KALRN: variants seen among roughly 807,000 people sequenced by gnomAD.
KALRN encodes kalirin RhoGEF kinase, also known as kalirin.
In KALRN, 70 loss-of-function variants were observed where a neutral mutation model predicts 353.7. The ratio of observed to expected loss-of-function variants is 0.20; its 90% confidence interval spans 0.16 to 0.24. The LOEUF is 0.24. KALRN is among the 10% of genes least tolerant of loss of function. The pLI, the probability that KALRN is intolerant of heterozygous loss-of-function variation, is 1.00. For missense variants in KALRN, 2,791 were observed against 3,756.7 expected, an observed-to-expected ratio of 0.74 and a Z score of 6.72; for synonymous variants, 1,391 against 1,434.8, an observed-to-expected ratio of 0.97 and a Z score of 0.69.
chr3:124,699,958 A>G lies in KALRN; in HGVS notation c.7921A>G (p.Arg2641Gly). 1 of 1,614,158 alleles carries G rather than the reference A, an allele frequency of 6.2e-7. No individual in the cohort carries two copies. Among genetic ancestry groups the G allele is most frequent in the Non-Finnish European group, 8.5e-7 (1 of 1,180,018 alleles). ...TAGTCCCGGGTGTCCTTATCAGTTC[A>G]GAGTCAGTGCCAGTAACCCCTGGGG... The part of the protein sequence containing the change: ...DLSPGCPYQF[R>G]VSASNPWGIS... The change falls in exon 56 of 60, where the codon AGA becomes GGA. Residue 2641 changes from arginine to glycine, a missense_variant. Transcript: ENST00000682506.
chr3:124,415,224 G>C lies in KALRN; in HGVS notation c.2542+1559G>C, dbSNP rs570446233. ...CTGGGGACTTTTTTTTTAAATGACA[G>C]TGCCCAGGCCCCATGCCCTGATATT... On this transcript the variant is annotated intron_variant, in intron 14 of 59. Transcript: ENST00000682506. Among the ~76,000 whole-genome samples, 29 of 152,326 alleles carry C rather than the reference G, an allele frequency of 1.9e-4. No individual in the cohort carries two copies. The South Asian group carries it at 5.4e-3, about 28-fold the overall frequency.
intron 9 of KALRN, among the ~76,000 whole-genome samples, chr3:124,341,554 G>A (rs928147486): frequency 2.6e-5 from 4 of 152,218 alleles, no homozygotes; most frequent in Non-Finnish European, 4.4e-5. Context: ...AGTGGGGAAG[G>A]TGGAGATGCA....
At chr3:124,625,686 A>G (rs902167494) in intron 34 of KALRN, among the ~76,000 whole-genome samples, 1 of 136,622 alleles carries the variant, frequency 7.3e-6, no homozygotes, top group African/African-American at 3.1e-5. Flanking sequence ...GGATTTGTAC[A>G]ATTATATATC....
At chr3:124,660,785 G>T in intron 43 of KALRN, 138 bp from the exon 44 acceptor site, 1 of 606,290 alleles carries the variant, frequency 1.6e-6, no homozygotes, top group South Asian at 2.1e-5. Context: ...TCATTTCTCA[G>T]CTACTCTACA....
chr3:124,267,814 C>G (rs2073740408), intron 4 of KALRN, among the ~76,000 whole-genome samples: 1 of 152,166 alleles, frequency 6.6e-6, no homozygotes, highest in Admixed American at 6.5e-5. Flanking sequence ...AGGGATTGAG[C>G]ATGTACTCCA....
chr3:124,152,441 CA>C, intron 1 of KALRN: 3 of 1,333,944 alleles, frequency 2.2e-6, no homozygotes, highest in Non-Finnish European at 1.1e-6. Context: ...TTGGGTTCTG[CA>C]GGTACATAGA....
chr3:124,601,472 G>A lies in KALRN; in HGVS notation c.5183-30948G>A, dbSNP rs13096410. Among the ~76,000 whole-genome samples the A allele has an allele frequency of 4.9e-3, 751 of 152,234 alleles. 8 individuals are homozygous for A. The highest frequency in any genetic ancestry group is 0.022 in the South Asian group (108 of 4,828). ...CAGGTTTTGAGCCCTGGGAGTGTCC[G>A]TGTTCAAAACAAGTTGCTGATCTGG... On this transcript the variant is annotated intron_variant, in intron 34 of 59. Transcript: ENST00000682506.
intron 1 of KALRN, among the ~76,000 whole-genome samples, chr3:124,144,084 A>C (rs2066976892): frequency 6.6e-6 from 1 of 152,224 alleles, no homozygotes; most frequent in South Asian, 2.1e-4. Flanking sequence ...CCCTATGTTC[A>C]TCTCCTTCCA....
chr3:124,400,951 A>G (rs482488), intron 13 of KALRN, among the ~76,000 whole-genome samples: 143,238 of 152,204 alleles, frequency 0.94, 67,908 homozygotes, highest in South Asian at 1. Flanking sequence ...TTGAAAAGAT[A>G]GCTGTGACCT....
intron 5 of KALRN, among the ~76,000 whole-genome samples, chr3:124,296,839 T>C (rs1378920861): frequency 1.3e-5 from 2 of 152,262 alleles, no homozygotes; most frequent in African/African-American, 4.8e-5. Context: ...GGCTGATTCC[T>C]ATCTGAATCA....
chr3:124,387,576 C>T (rs2088581831), intron 11 of KALRN, among the ~76,000 whole-genome samples: 1 of 152,096 alleles, frequency 6.6e-6, no homozygotes, highest in Non-Finnish European at 1.5e-5. Flanking sequence ...TCTCCTTTGC[C>T]ACAAAGACTT....
At chr3:124,374,836 C>T (rs181272807) in intron 10 of KALRN, among the ~76,000 whole-genome samples, 329 of 152,272 alleles carry the variant, frequency 2.2e-3, no homozygotes, top group Non-Finnish European at 3.5e-3. Flanking sequence ...GGTACATTTC[C>T]CCCCATACCT....
At chr3:124,200,756 C>A (rs1004901699) in intron 1 of KALRN, among the ~76,000 whole-genome samples, 1 of 152,132 alleles carries the variant, frequency 6.6e-6, no homozygotes, top group African/African-American at 2.4e-5. Flanking sequence ...ATTTTTTTCA[C>A]AGCTTTTCAC....
chr3:124,144,592 C>G (rs187905711), intron 1 of KALRN, among the ~76,000 whole-genome samples: 1 of 151,516 alleles, frequency 6.6e-6, no homozygotes, highest in African/African-American at 2.4e-5. Context: ...TCCTCTTCCT[C>G]GTCTTCCTTC....
At chr3:124,452,451 G>A (rs1408421362) in intron 21 of KALRN, among the ~76,000 whole-genome samples, 2 of 152,278 alleles carry the variant, frequency 1.3e-5, no homozygotes, top group East Asian at 1.9e-4. Flanking sequence ...ATAATGTGAT[G>A]TATGCTAAAA....
intron 7 of KALRN, among the ~76,000 whole-genome samples, chr3:124,328,839 G>A (rs1317808398): frequency 6.6e-6 from 1 of 152,176 alleles, no homozygotes; most frequent in African/African-American, 2.4e-5. Flanking sequence ...ATTTTTTAAT[G>A]CAATTTCTGC....
chr3:124,469,427 G>C (rs1247546711), intron 25 of KALRN, among the ~76,000 whole-genome samples: 1 of 152,198 alleles, frequency 6.6e-6, no homozygotes, highest in Non-Finnish European at 1.5e-5. Flanking sequence ...TTCCCTGAGT[G>C]TACATGACCC....
intron 15 of KALRN, 133 bp from the exon 16 acceptor site, chr3:124,430,523 A>T (rs1170953558): frequency 1.9e-6 from 2 of 1,040,232 alleles, no homozygotes; most frequent in Non-Finnish European, 2.8e-6. Context: ...GATTATGGTG[A>T]CATTTGCTGT....
chr3:124,336,867 T>A (rs1268376988), intron 9 of KALRN, among the ~76,000 whole-genome samples: 1 of 152,192 alleles, frequency 6.6e-6, no homozygotes, highest in Non-Finnish European at 1.5e-5. Flanking sequence ...TCCCTTGTAG[T>A]TGTATACGTA....
Sources: gnomAD v4.1 joint callset for allele counts (sites outside exome capture counted in the v4.1 genomes callset) on GRCh38, gnomAD v4.1.1 for gene constraint, MANE v1.5 for transcripts, NCBI Gene and HGNC (gene_info 2026-07-23, HGNC 2026-07-21) for gene names.